The following HS3ST4 variants were observed in gnomAD, a reference collection of about 807,000 sequenced individuals.
HS3ST4 encodes heparan sulfate-glucosamine 3-sulfotransferase 4.
HS3ST4 carries 17 observed loss-of-function variants against 29.2 expected under a neutral mutation model. That is an observed-to-expected ratio of 0.58 (90% confidence interval 0.40 to 0.87). The LOEUF (loss-of-function observed/expected upper bound fraction) is 0.87. Among genes scored for constraint, HS3ST4 ranks in the 40% least tolerant of loss-of-function variants. The pLI, the probability that HS3ST4 is intolerant of heterozygous loss-of-function variation, is 0.00. For missense variants in HS3ST4, 627 were observed against 634.5 expected, an observed-to-expected ratio of 0.99 and a Z score of 0.13; for synonymous variants, 314 against 285.7, an observed-to-expected ratio of 1.10 and a Z score of -1.00.
At chr16:25,704,722 A>T (rs1966362707) in intron 1 of HS3ST4, among the ~76,000 whole-genome samples, 1 of 151,906 alleles carries the variant, frequency 6.6e-6, no homozygotes, top group East Asian at 2.0e-4. Flanking sequence ...TACTAAAAAC[A>T]CAAAAAATTA....
At chr16:25,953,774 C>T (rs564038158) in intron 1 of HS3ST4, among the ~76,000 whole-genome samples, 1 of 152,286 alleles carries the variant, frequency 6.6e-6, no homozygotes, top group East Asian at 1.9e-4. Flanking sequence ...GATGCCAATT[C>T]TGGGTGTGTT....
At chr16:25,699,923 C>G (rs373570274) in intron 1 of HS3ST4, among the ~76,000 whole-genome samples, 1 of 152,176 alleles carries the variant, frequency 6.6e-6, no homozygotes, top group Non-Finnish European at 1.5e-5. Context: ...GTAAATGTCT[C>G]TCTCCTCTTC....
At chr16:25,762,525 C>T (rs903791959) in intron 1 of HS3ST4, among the ~76,000 whole-genome samples, 2 of 152,064 alleles carry the variant, frequency 1.3e-5, no homozygotes, top group Non-Finnish European at 2.9e-5. Flanking sequence ...AGGGATTTAA[C>T]TCCAGCAAAA....
intron 1 of HS3ST4, among the ~76,000 whole-genome samples, chr16:25,942,900 G>A (rs1968586549): frequency 6.6e-6 from 1 of 152,104 alleles, no homozygotes. Context: ...GGGATTACAG[G>A]TGCAAGCCAC....
At chr16:25,709,523 A>G (rs569049399) in intron 1 of HS3ST4, among the ~76,000 whole-genome samples, 1 of 152,274 alleles carries the variant, frequency 6.6e-6, no homozygotes, top group East Asian at 1.9e-4. Context: ...CCGAAGTACA[A>G]CCGAATAAAA....
chr16:25,866,697 C>G (rs1227746263), intron 1 of HS3ST4, among the ~76,000 whole-genome samples: 2 of 152,124 alleles, frequency 1.3e-5, no homozygotes, highest in Non-Finnish European at 2.9e-5. Flanking sequence ...AGAAAAACAC[C>G]TAATGCATGA....
At chr16:25,858,588 T>A (rs1377554248) in intron 1 of HS3ST4, among the ~76,000 whole-genome samples, 1 of 151,954 alleles carries the variant, frequency 6.6e-6, no homozygotes, top group East Asian at 1.9e-4. Context: ...CAATGTATGC[T>A]TTTTTTTAAT....
chr16:25,754,872 CCCATCCAT>C lies in HS3ST4; in HGVS notation c.734+61723_734+61730del, dbSNP rs57336123. On this transcript the variant is annotated intron_variant, in intron 1 of 1. Transcript: ENST00000331351. ...CACCATCCATCCATCCATTCATCCA[CCCATCCAT>C]CTATCCACCTACCCATCAACCTGCC... Among the ~76,000 whole-genome samples the C allele has an allele frequency of 3.7e-3, 555 of 151,940 alleles. 2 individuals are homozygous for C. The highest frequency in any genetic ancestry group is 0.013 in the African/African-American group (522 of 41,428).
intron 1 of HS3ST4, among the ~76,000 whole-genome samples, chr16:25,724,862 A>C (rs2141591074): frequency 6.6e-6 from 1 of 151,776 alleles, no homozygotes; most frequent in African/African-American, 2.4e-5. Context: ...CTTTAGAAAG[A>C]TATTTGGTGG....
intron 1 of HS3ST4, among the ~76,000 whole-genome samples, chr16:26,087,884 A>G (rs1470235621): frequency 6.6e-6 from 1 of 151,514 alleles, no homozygotes; most frequent in Non-Finnish European, 1.5e-5. Flanking sequence ...TGACATTTCC[A>G]CTCCAAATTA....
chr16:25,828,448 C>T (rs1411120340), intron 1 of HS3ST4, among the ~76,000 whole-genome samples: 2 of 151,324 alleles, frequency 1.3e-5, no homozygotes, highest in African/African-American at 2.4e-5. Flanking sequence ...TCAAGCAATT[C>T]TCCTGCCTCA....
chr16:25,852,613 A>G (rs972874197), intron 1 of HS3ST4, among the ~76,000 whole-genome samples: 15 of 151,040 alleles, frequency 9.9e-5, no homozygotes, highest in African/African-American at 3.7e-4. Context: ...CTCTCGATAC[A>G]TTCTGGATTT....
At chr16:25,935,905 ATACTAG>A (rs1968512630) in intron 1 of HS3ST4, among the ~76,000 whole-genome samples, 1 of 125,516 alleles carries the variant, frequency 8.0e-6, no homozygotes, top group African/African-American at 3.1e-5. Flanking sequence ...GTATACTGAG[ATACTAG>A]ACTTTTTTTT....
At chr16:26,107,996 A>G (rs1899079295) in intron 1 of HS3ST4, among the ~76,000 whole-genome samples, 1 of 152,160 alleles carries the variant, frequency 6.6e-6, no homozygotes, top group African/African-American at 2.4e-5. Flanking sequence ...TCTATTTTCT[A>G]TGGAAAATAG....
intron 1 of HS3ST4, among the ~76,000 whole-genome samples, chr16:25,821,659 G>C (rs753935157): frequency 6.6e-6 from 1 of 152,110 alleles, no homozygotes; most frequent in African/African-American, 2.4e-5. Flanking sequence ...GGGCACGGTG[G>C]CTCACACCTG....
intron 1 of HS3ST4, among the ~76,000 whole-genome samples, chr16:25,805,411 T>C (rs1223001377): frequency 6.6e-6 from 1 of 152,212 alleles, no homozygotes; most frequent in Admixed American, 6.5e-5. Context: ...AAAGAAGGAA[T>C]TTCTTGTGGG....
chr16:26,078,332 T>G (rs1682412245), intron 1 of HS3ST4, among the ~76,000 whole-genome samples: 1 of 152,068 alleles, frequency 6.6e-6, no homozygotes, highest in African/African-American at 2.4e-5. Flanking sequence ...TATTTTTTAG[T>G]AGAGACAGGG....
In HS3ST4 at chr16:25,719,987, A is replaced by G. The variant is rs149019501; in HGVS notation, c.734+26836A>G. On this transcript the variant is annotated intron_variant, in intron 1 of 1. Coordinates refer to ENST00000331351, the MANE Select transcript of HS3ST4 (RefSeq NM_006040.3). ...GTTCTTTCCGTGAGTGTTATACACA[A>G]TTTCATGGAACTTATATTCTATGGG... is the stretch of plus-strand genomic sequence containing the variant. Among the ~76,000 whole-genome samples the G allele has an allele frequency of 8.2e-3, 1,245 of 152,348 alleles. 15 individuals are homozygous for G. Among genetic ancestry groups the G allele is most frequent in the African/African-American group, 0.026 (1,090 of 41,580 alleles).
At chr16:25,917,531 C>T (rs888535419) in intron 1 of HS3ST4, among the ~76,000 whole-genome samples, 1 of 152,120 alleles carries the variant, frequency 6.6e-6, no homozygotes, top group Admixed American at 6.5e-5. Context: ...TCTAAACAGA[C>T]CAGGATGTGA....
Sources: gnomAD v4.1 joint callset for allele counts (sites outside exome capture counted in the v4.1 genomes callset) on GRCh38, gnomAD v4.1.1 for gene constraint, MANE v1.5 for transcripts, NCBI Gene and HGNC (gene_info 2026-07-23, HGNC 2026-07-21) for gene names.